KCND2: variants seen among roughly 807,000 people sequenced by gnomAD.
The protein encoded by KCND2 is potassium voltage-gated channel subfamily D member 2.
KCND2 carries 16 observed loss-of-function variants against 54.4 expected under a neutral mutation model. The observed-to-expected ratio is 0.29, with a 90% CI of 0.20 to 0.45. The LOEUF (loss-of-function observed/expected upper bound fraction) is 0.45, where lower values mean the gene tolerates loss of function less well. Ranked by LOEUF, KCND2 falls within the 20% of genes least tolerant of loss-of-function variation. The pLI is 1.00. For synonymous variants in KCND2, 317 were observed against 310.7 expected, an observed-to-expected ratio of 1.02 and a Z score of -0.21; for missense variants, 486 against 824.2, an observed-to-expected ratio of 0.59 and a Z score of 5.02.
At chr7:120,290,326 T>C (rs934056727) in intron 1 of KCND2, among the ~76,000 whole-genome samples, 3 of 152,050 alleles carry the variant, frequency 2.0e-5, no homozygotes, top group African/African-American at 7.2e-5. Flanking sequence ...AGTCCTCAGG[T>C]CAATATACAT....
intron 1 of KCND2, among the ~76,000 whole-genome samples, chr7:120,353,910 A>G (rs972850574): frequency 6.6e-6 from 1 of 152,212 alleles, no homozygotes; most frequent in Non-Finnish European, 1.5e-5. Context: ...CATTGTTTAA[A>G]AATTACAAAC....
intron 1 of KCND2, among the ~76,000 whole-genome samples, chr7:120,697,900 T>C (rs1297570353): frequency 6.6e-6 from 1 of 152,176 alleles, no homozygotes; most frequent in African/African-American, 2.4e-5. Flanking sequence ...CCAATCGTGG[T>C]CATAGATTTT....
chr7:120,525,704 A>G (rs1219236717), intron 1 of KCND2, among the ~76,000 whole-genome samples: 1 of 152,164 alleles, frequency 6.6e-6, no homozygotes, highest in Non-Finnish European at 1.5e-5. Flanking sequence ...AGTGAACACA[A>G]TGTGCCTAGC....
intron 1 of KCND2, among the ~76,000 whole-genome samples, chr7:120,603,283 A>G (rs189606552): frequency 2.4e-4 from 37 of 152,342 alleles, no homozygotes; most frequent in Admixed American, 5.2e-4. Flanking sequence ...CCTCAACGCC[A>G]TAGGTTCTTT....
intron 1 of KCND2, among the ~76,000 whole-genome samples, chr7:120,657,660 T>C (rs895860871): frequency 3.9e-5 from 6 of 152,086 alleles, no homozygotes; most frequent in Non-Finnish European, 7.4e-5. Flanking sequence ...AAGACCAGCC[T>C]GAGAAACATA....
chr7:120,453,159 C>A (rs745568793), intron 1 of KCND2, among the ~76,000 whole-genome samples: 1 of 152,224 alleles, frequency 6.6e-6, no homozygotes, highest in Non-Finnish European at 1.5e-5. Context: ...CACTCCCCAA[C>A]TGCTTTGCTG....
intron 1 of KCND2, among the ~76,000 whole-genome samples, chr7:120,363,303 A>G (rs1016165835): frequency 4.0e-5 from 6 of 151,844 alleles, no homozygotes; most frequent in Non-Finnish European, 5.9e-5. Flanking sequence ...GATCCCATCT[A>G]TATATATATA....
chr7:120,700,762 A>G (rs939968289), intron 1 of KCND2, among the ~76,000 whole-genome samples: 4 of 152,224 alleles, frequency 2.6e-5, no homozygotes, highest in African/African-American at 4.8e-5. Context: ...TTCAGTAAGT[A>G]TTTATTGAAC....
intron 1 of KCND2, among the ~76,000 whole-genome samples, chr7:120,283,242 C>G (rs989305428): frequency 6.6e-6 from 1 of 151,970 alleles, no homozygotes; most frequent in African/African-American, 2.4e-5. Flanking sequence ...GGCTTAGTAG[C>G]AAATGGAATC....
chr7:120,384,570 A>G (rs1049539607), intron 1 of KCND2, among the ~76,000 whole-genome samples: 2 of 152,164 alleles, frequency 1.3e-5, no homozygotes, highest in Non-Finnish European at 2.9e-5. Flanking sequence ...TACATGAAAT[A>G]TCATACCTTT....
At chr7:120,571,691 G>A (rs1354124892) in intron 1 of KCND2, among the ~76,000 whole-genome samples, 1 of 152,150 alleles carries the variant, frequency 6.6e-6, no homozygotes, top group Non-Finnish European at 1.5e-5. Context: ...TCTTAATGAA[G>A]CATCTTCCAC....
intron 1 of KCND2, among the ~76,000 whole-genome samples, chr7:120,480,100 A>G (rs1005672883): frequency 3.9e-5 from 6 of 151,932 alleles, no homozygotes; most frequent in African/African-American, 1.4e-4. Context: ...TATTTTCAAC[A>G]GTTTTTTTAT....
At chr7:120,406,655 C>T (rs957946976) in intron 1 of KCND2, among the ~76,000 whole-genome samples, 5 of 151,910 alleles carry the variant, frequency 3.3e-5, no homozygotes, top group African/African-American at 9.7e-5. Flanking sequence ...GATTGCTTTA[C>T]TGGAGAGGTG....
rs141773868 is a variant in KCND2, at chr7:120,302,618, A to G, written c.1115+26871A>G. Among the ~76,000 whole-genome samples, 538 of 152,266 alleles carry G rather than the reference A, an allele frequency of 3.5e-3. 1 individual carries two copies. The highest frequency in any genetic ancestry group is 0.012 in the African/African-American group (493 of 41,560). ...AACACACTATTAAAAGGGTGTCTGA[A>G]CGATGTTTTATATATGGTTAAAATG... On this transcript the variant is annotated intron_variant, in intron 1 of 5. Transcript: ENST00000331113.
At chr7:120,363,594 A>G (rs1055242976) in intron 1 of KCND2, among the ~76,000 whole-genome samples, 2 of 152,038 alleles carry the variant, frequency 1.3e-5, no homozygotes, top group African/African-American at 4.8e-5. Context: ...CTCATCTGCT[A>G]TTACACTAGT....
At chr7:120,539,348 G>A (rs1791951396) in intron 1 of KCND2, among the ~76,000 whole-genome samples, 1 of 152,196 alleles carries the variant, frequency 6.6e-6, no homozygotes, top group African/African-American at 2.4e-5. Context: ...TGGAATCAAA[G>A]TCATCTCTGA....
At chr7:120,347,217 G>A (rs1800332564) in intron 1 of KCND2, among the ~76,000 whole-genome samples, 1 of 152,016 alleles carries the variant, frequency 6.6e-6, no homozygotes, top group Non-Finnish European at 1.5e-5. Context: ...TTTCTTTTCT[G>A]TTTTTGTCTT....
intron 1 of KCND2, among the ~76,000 whole-genome samples, chr7:120,347,856 T>G (rs567124873): frequency 1.3e-5 from 2 of 152,220 alleles, no homozygotes; most frequent in South Asian, 4.2e-4. Context: ...ATAAAGAAAT[T>G]TATTTCTCCC....
intron 1 of KCND2, among the ~76,000 whole-genome samples, chr7:120,728,478 A>G (rs192340741): frequency 6.6e-6 from 1 of 151,880 alleles, no homozygotes; most frequent in Non-Finnish European, 1.5e-5. Flanking sequence ...TGTAGTAGAG[A>G]TGGGGTTTCT....
Sources: gnomAD v4.1 joint callset for allele counts (sites outside exome capture counted in the v4.1 genomes callset) on GRCh38, gnomAD v4.1.1 for gene constraint, MANE v1.5 for transcripts, NCBI Gene and HGNC (gene_info 2026-07-23, HGNC 2026-07-21) for gene names.